The following ASIC5 variants were observed in gnomAD, a reference collection of about 807,000 sequenced individuals.
ASIC5 encodes the protein bile acid-sensitive ion channel.
ASIC5 carries 52 observed loss-of-function variants against 51.2 expected under a neutral mutation model. The observed-to-expected ratio is 1.02, with a 90% CI of 0.81 to 1.28. ASIC5 has a LOEUF of 1.28. Ranked by LOEUF, ASIC5 falls within the 50% of genes most tolerant of loss-of-function variation. The pLI is 0.00. For missense variants in ASIC5, 635 were observed against 595.0 expected (o/e 1.07, Z -0.70); for synonymous variants, 231 against 200.7 (o/e 1.15, Z -1.28).
At chr4:155,857,879 G>T (rs1419277017) in intron 2 of ASIC5, among the ~76,000 whole-genome samples, 1 of 151,966 alleles carries the variant, frequency 6.6e-6, no homozygotes, top group African/African-American at 2.4e-5. Context: ...CTTTATATTT[G>T]TATGAGAAGC....
intron 6 of ASIC5, among the ~76,000 whole-genome samples, chr4:155,839,629 C>T (rs1191581341): frequency 6.6e-6 from 1 of 151,714 alleles, no homozygotes; most frequent in Non-Finnish European, 1.5e-5. Flanking sequence ...TGAAAATAAC[C>T]AAAGGAGATT....
At chr4:155,836,910 G>T in intron 7 of ASIC5, 53 bp from the exon 8 acceptor site, 1 of 1,319,844 alleles carries the variant, frequency 7.6e-7, no homozygotes, top group Non-Finnish European at 1.1e-6. Flanking sequence ...TTTCATCATG[G>T]GTAGGATAGT....
intron 3 of ASIC5, among the ~76,000 whole-genome samples, chr4:155,853,107 AG>A (rs1741422149): frequency 6.6e-6 from 1 of 152,108 alleles, no homozygotes; most frequent in African/African-American, 2.4e-5. Flanking sequence ...TCAGTTTACT[AG>A]AACAGAAATG....
At chr4:155,852,358 A>C in intron 3 of ASIC5, 42 bp from the exon 4 acceptor site, 1 of 1,562,366 alleles carries the variant, frequency 6.4e-7, no homozygotes, top group Non-Finnish European at 8.6e-7. Context: ...TCAATTTGAT[A>C]TTTTTGTCAC....
intron 4 of ASIC5, among the ~76,000 whole-genome samples, chr4:155,845,580 C>T (rs999893201): frequency 2.0e-5 from 3 of 151,926 alleles, no homozygotes; most frequent in South Asian, 2.1e-4. Context: ...CAGGGTCTAA[C>T]CTCAAAATAA....
Position 155,863,695 on chromosome 4 carries a change from G to A in ASIC5, c.100C>T (p.Arg34Ter), listed in dbSNP as rs138414327. 2.8e-4 allele frequency: 453 copies of A among 1,613,868 alleles called. 3 individuals are homozygous for A. The highest frequency in any genetic ancestry group is 6.6e-4 in the South Asian group (60 of 91,076). Residue 34 changes from arginine to a stop codon, truncating the protein, a stop_gained, in exon 2 of 10, where the codon CGA (arginine) becomes TGA (stop). Transcript: ENST00000537611. LOFTEE classifies it high-confidence loss of function. ...SKKPLPSPTE[R>*]KKFDHDFAIS... ...GCAAAGTCATGGTCAAACTTCTTTC[G>A]CTCAGTGGGAGATGGCAGTGGTTTC...
Position 155,863,494 on chromosome 4 carries a change from C to A in ASIC5, c.301G>T (p.Val101Leu), listed in dbSNP as rs776043644. The change falls in exon 2 of 10, where the codon GTG (valine) becomes TTG (leucine). Residue 101 changes from valine to leucine, a missense_variant. Transcript: ENST00000537611. ...PTTTSIEVQY[V>L]EKMEFPAVTF... is the part of the protein sequence containing the mutation. ...ACAGCTGGGAACTCCATCTTTTCCACATATTGAACCTCAATGGACGTTGTG... is the reference window on the plus strand; with the variant it reads ...ACAGCTGGGAACTCCATCTTTTCCAAATATTGAACCTCAATGGACGTTGTG... 10 of 1,613,676 alleles carry A rather than the reference C, an allele frequency of 6.2e-6. No homozygotes were observed. The highest frequency in any genetic ancestry group is 6.8e-6 in the Non-Finnish European group (8 of 1,179,802).
At chr4:155,845,288 C>T (rs772631630) in intron 4 of ASIC5, among the ~76,000 whole-genome samples, 3 of 150,924 alleles carry the variant, frequency 2.0e-5, no homozygotes, top group Non-Finnish European at 4.4e-5. Flanking sequence ...GATTAACATC[C>T]AAGATGTGTG....
chr4:155,863,372 T>A, intron 2 of ASIC5, 76 bp downstream of exon 2: 2 of 1,193,198 alleles, frequency 1.7e-6, no homozygotes, highest in East Asian at 2.6e-5. Flanking sequence ...ATGAGAAAAC[T>A]CTTTGTCAGT....
At position 155,829,854 on chromosome 4, in the gene ASIC5, C is replaced by G; in HGVS notation, c.*2G>C. 6.5e-7 allele frequency: 1 copy of G among 1,531,922 alleles called. No individual in the cohort carries two copies. Among genetic ancestry groups the G allele is most frequent in the Admixed American group, 2.1e-5 (1 of 47,354 alleles). The allele number at this position is 1,531,922 out of a possible 1,614,324, so 94.9% of individuals were successfully genotyped here. A position where few individuals can be genotyped will look rare whatever the true frequency, so the allele number is the denominator to read the frequency against. On this transcript the variant is annotated 3_prime_UTR_variant, in exon 10 of 10. Transcript: ENST00000537611. ...AGGAAACTATTTTATTCTAAGTGAC[C>G]ATTAACACTCCTCTATCCTATTTTT...
At chr4:155,845,304 A>T (rs10023283) in intron 4 of ASIC5, among the ~76,000 whole-genome samples, 2 of 150,574 alleles carry the variant, frequency 1.3e-5, no homozygotes, top group African/African-American at 4.9e-5. Context: ...GTGTGTGTGT[A>T]TGTGTGCATG....
At chr4:155,847,433 C>T (rs1232158338) in intron 4 of ASIC5, among the ~76,000 whole-genome samples, 1 of 151,922 alleles carries the variant, frequency 6.6e-6, no homozygotes, top group South Asian at 2.1e-4. Flanking sequence ...AAATAAAATG[C>T]ATTCCTGGCC....
intron 7 of ASIC5, among the ~76,000 whole-genome samples, chr4:155,838,267 G>T (rs560838753): frequency 6.6e-6 from 1 of 152,128 alleles, no homozygotes; most frequent in Non-Finnish European, 1.5e-5. Flanking sequence ...ATATACTAAA[G>T]TGTTAGCGAT....
intron 3 of ASIC5, among the ~76,000 whole-genome samples, chr4:155,852,709 C>T (rs200301928): frequency 7.3e-6 from 1 of 137,166 alleles, no homozygotes. Context: ...TCACATGACC[C>T]TTTTACTCTC....
chr4:155,863,228 G>A (rs1741759473), intron 2 of ASIC5, among the ~76,000 whole-genome samples: 1 of 152,036 alleles, frequency 6.6e-6, no homozygotes, highest in Non-Finnish European at 1.5e-5. Flanking sequence ...GAATATGATT[G>A]TGGAAGGAAG....
chr4:155,838,734 A>G (rs561444193), intron 7 of ASIC5, 79 bp downstream of exon 7: 2 of 822,368 alleles, frequency 2.4e-6, no homozygotes, highest in Admixed American at 4.5e-5. Flanking sequence ...TGGGCTATCC[A>G]TAGTTTGACT....
At chr4:155,858,226 T>C (rs949560585) in intron 2 of ASIC5, among the ~76,000 whole-genome samples, 2 of 152,120 alleles carry the variant, frequency 1.3e-5, no homozygotes, top group African/African-American at 4.8e-5. Flanking sequence ...TTACAATTTC[T>C]GGAATTTTTT....
At chr4:155,863,834 TCA>T (rs2110779254) in intron 1 of ASIC5, 80 bp from the exon 2 acceptor site, 1 of 1,153,958 alleles carries the variant, frequency 8.7e-7, no homozygotes, top group African/African-American at 1.6e-5. Context: ...AAAACACAAC[TCA>T]CATAATTTAA....
At position 155,848,973 on chromosome 4, in the gene ASIC5, C is replaced by T. The variant is rs377656826; in HGVS notation, c.711+3218G>A. ...ATACTTTATCCTGTCTGCCTGATTT[C>T]TCCAGAATTTGGAAACTATTTGTGG... is the stretch of plus-strand genomic sequence containing the variant. On this transcript the variant is annotated intron_variant, in intron 4 of 9. Coordinates refer to ENST00000537611, the MANE Select transcript of ASIC5 (RefSeq NM_017419.3). Among the ~76,000 whole-genome samples the T allele has an allele frequency of 5.9e-5, 9 of 152,148 alleles. No individual in the cohort carries two copies. The East Asian group carries it at 1.2e-3, about 20-fold the overall frequency.
Sources: gnomAD v4.1 joint callset for allele counts (sites outside exome capture counted in the v4.1 genomes callset) on GRCh38, gnomAD v4.1.1 for gene constraint, MANE v1.5 for transcripts, NCBI Gene and HGNC (gene_info 2026-07-23, HGNC 2026-07-21) for gene names.